The following GPC5 variants were observed in gnomAD, a reference collection of about 807,000 sequenced individuals.
The protein encoded by GPC5 is glypican 5.
A neutral mutation model predicts 53.9 loss-of-function variants in GPC5; 47 were observed. That is an observed-to-expected ratio of 0.87 (90% CI 0.69 to 1.11). GPC5 has a LOEUF of 1.11. Among genes scored for constraint, GPC5 ranks in the 50% most tolerant of loss-of-function variants. The probability of loss-of-function intolerance (pLI) is 0.00; values close to 1 mark genes in which losing one functional copy is unlikely to be tolerated. For synonymous variants in GPC5, 286 were observed against 263.3 expected, an observed-to-expected ratio of 1.09 and a Z score of -0.84; for missense variants, 748 against 713.1, an observed-to-expected ratio of 1.05 and a Z score of -0.56.
At chr13:91,464,929 G>A (rs72640390) in intron 2 of GPC5, among the ~76,000 whole-genome samples, 13,728 of 152,132 alleles carry the variant, frequency 0.09, 779 homozygotes, top group East Asian at 0.32. Flanking sequence ...TTCCCCTGGG[G>A]GAGGCTGAGT....
intron 2 of GPC5, among the ~76,000 whole-genome samples, chr13:91,560,707 C>T (rs948546457): frequency 6.6e-6 from 1 of 151,948 alleles, no homozygotes; most frequent in Non-Finnish European, 1.5e-5. Flanking sequence ...CCTAGACTAG[C>T]CAGATTTTCT....
intron 7 of GPC5, among the ~76,000 whole-genome samples, chr13:92,468,840 A>G (rs1428424083): frequency 1.3e-5 from 2 of 152,022 alleles, no homozygotes; most frequent in African/African-American, 4.8e-5. Context: ...TCCTGTACCC[A>G]TTCCCTCTCC....
At chr13:92,200,974 G>C (rs1204932329) in intron 7 of GPC5, among the ~76,000 whole-genome samples, 1 of 146,918 alleles carries the variant, frequency 6.8e-6, no homozygotes, top group Non-Finnish European at 1.5e-5. Context: ...CAGGCACTCA[G>C]ACACACACAC....
intron 2 of GPC5, among the ~76,000 whole-genome samples, chr13:91,599,117 T>G (rs187439194): frequency 1.3e-5 from 2 of 152,196 alleles, no homozygotes; most frequent in African/African-American, 4.8e-5. Flanking sequence ...CCTGAGATTT[T>G]AGTGTATTCA....
chr13:92,397,597 G>A (rs1158583260), intron 7 of GPC5, among the ~76,000 whole-genome samples: 2 of 152,134 alleles, frequency 1.3e-5, no homozygotes, highest in African/African-American at 2.4e-5. Flanking sequence ...CTGTAATTCC[G>A]TGAATCTGCC....
intron 6 of GPC5, among the ~76,000 whole-genome samples, chr13:92,089,433 C>A (rs1370440841): frequency 6.6e-6 from 1 of 151,950 alleles, no homozygotes; most frequent in African/African-American, 2.4e-5. Flanking sequence ...GACTCTCTCT[C>A]AAAAAAATAA....
intron 7 of GPC5, among the ~76,000 whole-genome samples, chr13:92,515,296 C>T (rs926425607): frequency 6.6e-6 from 1 of 152,156 alleles, no homozygotes; most frequent in Non-Finnish European, 1.5e-5. Context: ...AGAAACATAA[C>T]TGACTGTACC....
chr13:92,218,339 T>C (rs2042425532), intron 7 of GPC5, among the ~76,000 whole-genome samples: 1 of 152,196 alleles, frequency 6.6e-6, no homozygotes, highest in Non-Finnish European at 1.5e-5. Flanking sequence ...GTAAGATTAG[T>C]TTCCCTTTTG....
intron 5 of GPC5, among the ~76,000 whole-genome samples, chr13:91,879,077 A>C (rs923291496): frequency 3.9e-5 from 6 of 152,054 alleles, no homozygotes; most frequent in African/African-American, 1.2e-4. Flanking sequence ...AGAACTTATA[A>C]CTGAAGTATT....
intron 7 of GPC5, among the ~76,000 whole-genome samples, chr13:92,461,895 G>A (rs1189519185): frequency 6.6e-6 from 1 of 152,170 alleles, no homozygotes. Flanking sequence ...TAAGACAGAT[G>A]CACCTCTGAA....
chr13:92,759,101 GGTCTGT>G (rs1566405816), intron 7 of GPC5, among the ~76,000 whole-genome samples: 152 of 141,776 alleles, frequency 1.1e-3, no homozygotes, highest in African/African-American at 4.0e-3. Context: ...CTGGTCCACT[GGTCTGT>G]TTGTCTGTTT....
chr13:92,771,961 A>G (rs764850887), intron 7 of GPC5, among the ~76,000 whole-genome samples: 2 of 152,030 alleles, frequency 1.3e-5, no homozygotes, highest in Admixed American at 6.6e-5. Context: ...TTAACTTCCA[A>G]TTTCCTCACT....
chr13:91,790,104 T>C (rs538474660), intron 5 of GPC5, among the ~76,000 whole-genome samples: 1 of 152,184 alleles, frequency 6.6e-6, no homozygotes, highest in African/African-American at 2.4e-5. Context: ...TCAATGTGAG[T>C]TGTGGTGAGG....
chr13:91,499,767 C>T (rs147717076), intron 2 of GPC5, among the ~76,000 whole-genome samples: 9 of 152,304 alleles, frequency 5.9e-5, no homozygotes, highest in Non-Finnish European at 1.2e-4. Flanking sequence ...CTCAAACAGC[C>T]TCATCTCAAC....
intron 7 of GPC5, among the ~76,000 whole-genome samples, chr13:92,281,761 A>T (rs922844378): frequency 1.3e-5 from 2 of 152,212 alleles, no homozygotes; most frequent in Non-Finnish European, 1.5e-5. Context: ...CAACATCAGC[A>T]ACGACCAAAG....
chr13:91,666,900 A>T (rs892456756), intron 2 of GPC5, among the ~76,000 whole-genome samples: 3 of 152,124 alleles, frequency 2.0e-5, no homozygotes, highest in Non-Finnish European at 4.4e-5. Context: ...CATAATTAAA[A>T]TATTATTTCT....
chr13:91,539,073 A>G (rs1886730412), intron 2 of GPC5, among the ~76,000 whole-genome samples: 1 of 152,112 alleles, frequency 6.6e-6, no homozygotes, highest in African/African-American at 2.4e-5. Context: ...AAGAAGGTTT[A>G]TTGTGTTGCT....
intron 6 of GPC5, among the ~76,000 whole-genome samples, chr13:91,916,999 C>A (rs1034342599): frequency 6.6e-6 from 1 of 152,164 alleles, no homozygotes; most frequent in South Asian, 2.1e-4. Flanking sequence ...CCTCACATTT[C>A]AAAACACAAT....
chr13:92,577,388 C>T (rs923297244), intron 7 of GPC5, among the ~76,000 whole-genome samples: 1 of 147,226 alleles, frequency 6.8e-6, no homozygotes, highest in African/African-American at 2.5e-5. Flanking sequence ...AGATAAACAT[C>T]GACATGAATG....
Sources: allele counts gnomAD v4.1 joint callset (sites outside exome capture counted in the v4.1 genomes callset), GRCh38; gene constraint gnomAD v4.1.1; transcripts MANE v1.5; gene names NCBI Gene and HGNC (gene_info 2026-07-23, HGNC 2026-07-21).